Variants in AKR1C8 observed in about 807,000 individuals in gnomAD.
AKR1C8 encodes the protein aldo-keto reductase family 1 member C-like protein 1.
the AKR1C8 span, among the ~76,000 whole-genome samples, chr10:5,177,766 T>C: frequency 6.6e-6 from 1 of 152,216 alleles, no homozygotes. Flanking sequence ...TTTATTTGCA[T>C]AGAGGTGTTT....
the AKR1C8 span, among the ~76,000 whole-genome samples, chr10:5,176,677 T>G: frequency 6.6e-6 from 1 of 152,178 alleles, no homozygotes; most frequent in Admixed American, 6.5e-5. Context: ...GTAGTTCTCC[T>G]TGAAGAGGTC....
At chr10:5,163,853 C>T in the AKR1C8 span, among the ~76,000 whole-genome samples, 1 of 149,910 alleles carries the variant, frequency 6.7e-6, no homozygotes, top group Non-Finnish European at 1.5e-5. Context: ...TTTGTCCCAA[C>T]ATAAAAACGC....
At chr10:5,154,096 C>G in the AKR1C8 span, 2 of 463,682 alleles carry the variant, frequency 4.3e-6, no homozygotes, top group Non-Finnish European at 9.0e-6. Flanking sequence ...CTCTCTGTCA[C>G]CTAAAAGGAG....
the AKR1C8 span, among the ~76,000 whole-genome samples, chr10:5,178,762 G>C: frequency 2.0e-5 from 3 of 151,864 alleles, no homozygotes; most frequent in Non-Finnish European, 4.4e-5. Flanking sequence ...ATCTTTGTTG[G>C]TTTGAAATCT....
chr10:5,144,679 A>T, the AKR1C8 span, among the ~76,000 whole-genome samples: 10 of 150,276 alleles, frequency 6.7e-5, no homozygotes, highest in Non-Finnish European at 3.0e-5. Context: ...TCTGTCTGTT[A>T]TTGGTGTATA....
At chr10:5,163,018 A>G in the AKR1C8 span, 1 of 533,924 alleles carries the variant, frequency 1.9e-6, no homozygotes, top group South Asian at 1.4e-5. Context: ...GGCTTTTGGG[A>G]GTCTATAAGA....
At chr10:5,153,290 G>T in the AKR1C8 span, among the ~76,000 whole-genome samples, 1 of 152,030 alleles carries the variant, frequency 6.6e-6, no homozygotes, top group East Asian at 1.9e-4. Flanking sequence ...CCGAAATGTG[G>T]GTAGATGATT....
chr10:5,141,014 C>A, the AKR1C8 span, among the ~76,000 whole-genome samples: 29 of 152,234 alleles, frequency 1.9e-4, no homozygotes, highest in African/African-American at 7.0e-4. Flanking sequence ...GATTTCTCTG[C>A]TGTTTGACAG....
chr10:5,158,655 T>C, the AKR1C8 span: 7 of 489,794 alleles, frequency 1.4e-5, no homozygotes, highest in Admixed American at 1.1e-4. Context: ...ACAATGTCCT[T>C]GGACTTGCAG....
At chr10:5,136,099 A>G in the AKR1C8 span, among the ~76,000 whole-genome samples, 2 of 152,338 alleles carry the variant, frequency 1.3e-5, no homozygotes, top group African/African-American at 2.4e-5. Context: ...AGAAACTATC[A>G]AAGGTAATGT....
chr10:5,146,170 G>T, the AKR1C8 span, among the ~76,000 whole-genome samples: 20 of 139,804 alleles, frequency 1.4e-4, no homozygotes, highest in Non-Finnish European at 7.7e-5. Context: ...GACACAGGAA[G>T]GGGAACATCA....
chr10:5,152,706 G>A, the AKR1C8 span, among the ~76,000 whole-genome samples: 1 of 152,032 alleles, frequency 6.6e-6, no homozygotes. Context: ...TTTGCTTCTG[G>A]GGCCTTCATT....
At chr10:5,121,669 A>G in the AKR1C8 span, among the ~76,000 whole-genome samples, 6 of 152,108 alleles carry the variant, frequency 3.9e-5, no homozygotes, top group Non-Finnish European at 8.8e-5. Context: ...AAAAATATTA[A>G]AATTATGTCT....
chr10:5,126,471 C>A, the AKR1C8 span, among the ~76,000 whole-genome samples: 1 of 152,190 alleles, frequency 6.6e-6, no homozygotes, highest in South Asian at 2.1e-4. Flanking sequence ...AGCTTCCCCC[C>A]TTTACGTTGA....
chr10:5,163,086 A>G, the AKR1C8 span: 8 of 457,426 alleles, frequency 1.7e-5, no homozygotes, highest in African/African-American at 8.0e-5. Context: ...ATTTCCCCCA[A>G]TAGCATTTTC....
chr10:5,154,170 G>C, the AKR1C8 span: 5 of 470,406 alleles, frequency 1.1e-5, no homozygotes, highest in Admixed American at 1.2e-4. Context: ...GAAAATAAGG[G>C]TGATTAGCAG....
the AKR1C8 span, among the ~76,000 whole-genome samples, chr10:5,118,532 C>T: frequency 6.6e-6 from 1 of 151,976 alleles, no homozygotes; most frequent in African/African-American, 2.4e-5. Context: ...GTTTTTATGG[C>T]TGGCTTTGGG....
chr10:5,170,009 T>C, the AKR1C8 span, among the ~76,000 whole-genome samples: 4,804 of 152,058 alleles, frequency 0.032, 255 homozygotes, highest in African/African-American at 0.11. Context: ...TATTTAGGAG[T>C]TGATTCCTGT....
the AKR1C8 span, among the ~76,000 whole-genome samples, chr10:5,125,599 T>G: frequency 1.3e-5 from 2 of 152,164 alleles, no homozygotes; most frequent in African/African-American, 2.4e-5. Context: ...GAAAACTTGT[T>G]TGTAATCTCA....
Sources: gnomAD v4.1 joint callset for allele counts (sites outside exome capture counted in the v4.1 genomes callset) on GRCh38, gnomAD v4.1.1 for gene constraint, MANE v1.5 for transcripts, NCBI Gene and HGNC (gene_info 2026-07-23, HGNC 2026-07-21) for gene names.